The following TCF3 variants were observed in gnomAD, a reference collection of about 807,000 sequenced individuals.
TCF3 encodes transcription factor 3.
TCF3 carries 54 observed loss-of-function variants against 72.3 expected under a neutral mutation model. That is an observed-to-expected ratio of 0.75 (90% CI 0.60 to 0.94). TCF3 has a LOEUF of 0.94. TCF3 is among the 40% of genes least tolerant of loss of function. TCF3 has a pLI of 0.00. For missense variants in TCF3, 1,078 were observed against 934.4 expected, an observed-to-expected ratio of 1.15 and a Z score of -2.00; for synonymous variants, 525 against 412.6, an observed-to-expected ratio of 1.27 and a Z score of -3.30.
rs553590984 is a variant in TCF3 at position 1,613,982 on chromosome 19, C to T, written c.1822+1303G>A. Among the ~76,000 whole-genome samples the T allele has an allele frequency of 1.6e-3, 248 of 152,388 alleles. 1 individual carries two copies. The highest frequency in any genetic ancestry group is 5.7e-3 in the African/African-American group (236 of 41,596). On this transcript the variant is annotated intron_variant, in intron 18 of 18. Coordinates refer to ENST00000262965, the MANE Select transcript of TCF3 (RefSeq NM_003200.5). The stretch of plus-strand genomic sequence containing the variant: ...GGCGAGCGGGCACTGTTGCTGCTGC[C>T]GCAGGGGTGCGGGTCCCGGCCCAGG...
intron 3 of TCF3, among the ~76,000 whole-genome samples, chr19:1,638,771 C>A (rs964466956): frequency 6.6e-6 from 1 of 152,226 alleles, no homozygotes; most frequent in African/African-American, 2.4e-5. Context: ...ACTGGCAGAG[C>A]CGCAAAGCGG....
At chr19:1,648,771 G>A (rs1382570798) in intron 2 of TCF3, among the ~76,000 whole-genome samples, 2 of 151,422 alleles carry the variant, frequency 1.3e-5, no homozygotes, top group East Asian at 1.9e-4. Flanking sequence ...CAGACTGAAA[G>A]TGCCCTCCCC....
chr19:1,619,060 G>C lies in TCF3; in HGVS notation c.1450+51C>G, dbSNP rs778461374. ...TGACCCCCACCACTAGAGTGCCTCA[G>C]TTTCCCCAACTGGAACCAGGAGTCG... is the stretch of plus-strand genomic sequence containing the variant. On this transcript the variant is annotated intron_variant, in intron 16 of 18. Transcript: ENST00000262965. 8.8e-6 allele frequency: 14 copies of C among 1,598,050 alleles called. No individual in the cohort carries two copies. In the South Asian group the frequency reaches 1.5e-4, roughly 18 times the overall value.
Position 1,615,521 on chromosome 19 carries a change from C to A in TCF3, c.1587-1G>T. On this transcript the variant is annotated splice_acceptor_variant, in intron 17 of 18. Transcript: ENST00000262965. LOFTEE classifies it high-confidence loss of function. This position sits in a 1 kb window ranked among gnomAD's most constrained non-coding sequence, Gnocchi z 7.3. ...AAGGTCGTCCTCGTCCTCGTCTGGG[C>A]TATGGGGAGGGCGCCGGGAGGGGGC... 6.2e-7 allele frequency: 1 copy of A among 1,607,480 alleles called. No homozygotes were observed. Among genetic ancestry groups the A allele is most frequent in the Non-Finnish European group, 8.5e-7 (1 of 1,179,800 alleles).
chr19:1,632,719 C>T (rs1447608122), intron 3 of TCF3, among the ~76,000 whole-genome samples: 3 of 152,202 alleles, frequency 2.0e-5, no homozygotes, highest in Non-Finnish European at 1.5e-5. Flanking sequence ...ACTCTCACGC[C>T]GAGCCTCCTC....
intron 16 of TCF3, among the ~76,000 whole-genome samples, chr19:1,618,872 C>A (rs569427150): frequency 1.3e-5 from 2 of 152,194 alleles, no homozygotes; most frequent in African/African-American, 4.8e-5. Context: ...AGGCACACAG[C>A]GTCTGGGAGC....
chr19:1,641,200 GAA>G (rs892080040), intron 3 of TCF3, among the ~76,000 whole-genome samples: 1 of 143,706 alleles, frequency 7.0e-6, no homozygotes, highest in Non-Finnish European at 1.5e-5. Flanking sequence ...GCAATAAAAA[GAA>G]AAAAAAAAGA....
chr19:1,642,219 G>A lies in TCF3; in HGVS notation c.145+4136C>T, dbSNP rs112174851. Among the ~76,000 whole-genome samples the A allele has an allele frequency of 3.4e-5, 5 of 149,004 alleles. No homozygotes were observed. In the South Asian group the frequency reaches 6.4e-4, roughly 19 times the overall value. On this transcript the variant is annotated intron_variant, in intron 3 of 18. Coordinates refer to ENST00000262965, the MANE Select transcript of TCF3 (RefSeq NM_003200.5). ...AGACGCAGACACGCACACACGCGCA[G>A]ACGCACAGACACGCACGCGCAGACG...
In TCF3 at chr19:1,623,441, C is replaced by T. The variant is rs188937256; in HGVS notation, c.549+510G>A. Among the ~76,000 whole-genome samples, 372 of 148,314 alleles carry T rather than the reference C, an allele frequency of 2.5e-3. 3 individuals carry two copies. The Middle Eastern group carries it at 0.035, about 14-fold the overall frequency. On this transcript the variant is annotated intron_variant, in intron 8 of 18. Coordinates refer to ENST00000262965, the MANE Select transcript of TCF3 (RefSeq NM_003200.5). ...CTCTGTTGCTCAGGCTGGAGGGCAGCGGCATGATCTTGGCTCACTGCAACC... is the reference window on the plus strand; with the variant it reads ...CTCTGTTGCTCAGGCTGGAGGGCAGTGGCATGATCTTGGCTCACTGCAACC...
chr19:1,640,587 G>A (rs2065092508), intron 3 of TCF3, among the ~76,000 whole-genome samples: 1 of 152,160 alleles, frequency 6.6e-6, no homozygotes, highest in Non-Finnish European at 1.5e-5. Flanking sequence ...GGGAGGCCGA[G>A]GCGGGCGGAT....
intron 18 of TCF3, among the ~76,000 whole-genome samples, chr19:1,613,353 C>A (rs1346836586): frequency 6.6e-6 from 1 of 152,140 alleles, no homozygotes; most frequent in Non-Finnish European, 1.5e-5. Context: ...TCTGACTGTT[C>A]CCAGACGTTT....
intron 1 of TCF3, chr19:1,650,836 T>A: frequency 4.3e-6 from 1 of 230,718 alleles, no homozygotes; most frequent in Non-Finnish European, 8.6e-6. Flanking sequence ...ACCACGAAAC[T>A]CTTTTACAAG....
At chr19:1,635,936 A>AC (rs1159841400) in intron 3 of TCF3, among the ~76,000 whole-genome samples, 2 of 151,576 alleles carry the variant, frequency 1.3e-5, no homozygotes, top group African/African-American at 2.4e-5. Flanking sequence ...GGTCACTATG[A>AC]CCCCCCAAGC....
At chr19:1,645,192 TCTG>T (rs2065904371) in intron 3 of TCF3, among the ~76,000 whole-genome samples, 1 of 151,814 alleles carries the variant, frequency 6.6e-6, no homozygotes, top group South Asian at 2.1e-4. Flanking sequence ...CCTGGGGGAT[TCTG>T]GAGATAACTG....
intron 3 of TCF3, among the ~76,000 whole-genome samples, chr19:1,645,769 C>G (rs555024616): frequency 2.6e-5 from 4 of 152,166 alleles, no homozygotes; most frequent in Admixed American, 6.5e-5. Flanking sequence ...CGAGGGTGAC[C>G]CGCTCATCCA....
chr19:1,629,319 A>C (rs991728528), intron 5 of TCF3, among the ~76,000 whole-genome samples: 3 of 150,694 alleles, frequency 2.0e-5, no homozygotes, highest in Non-Finnish European at 4.4e-5. Flanking sequence ...CATCAGGTTC[A>C]CCGCACAGGC....
chr19:1,641,279 A>G (rs1713847267), intron 3 of TCF3, among the ~76,000 whole-genome samples: 1 of 152,138 alleles, frequency 6.6e-6, no homozygotes, highest in Non-Finnish European at 1.5e-5. Flanking sequence ...AGCTAATCTC[A>G]GAAGGTTGCA....
rs749903464 is a variant in TCF3, at chr19:1,619,098, C to T, written c.1450+13G>A. On this transcript the variant is annotated intron_variant, in intron 16 of 18. Transcript: ENST00000262965. ...GAACCAGGAGTCGGACAGTCCCAAG[C>T]TCAAGGGCTTACCACTGTAGGAGTC... 8 of 1,599,066 alleles carry T rather than the reference C, an allele frequency of 5.0e-6. No individual in the cohort carries two copies. The highest frequency in any genetic ancestry group is 2.7e-5 in the African/African-American group (2 of 74,920).
Position 1,615,425 on chromosome 19 carries a change from C to T in TCF3, c.1682G>A (p.Arg561Gln), listed in dbSNP as rs1165165570. Residue 561 changes from arginine to glutamine, a missense_variant, in exon 18 of 19, where the codon CGG (arginine) becomes CAG (glutamine). Physicochemically the swap from Arg to Gln is conservative, Grantham distance 43. Coordinates refer to ENST00000262965, the MANE Select transcript of TCF3 (RefSeq NM_003200.5). This position sits in a 1 kb window ranked among gnomAD's most constrained non-coding sequence, Gnocchi z 7.3. ...RVANNARERLRVRDINEAFKE... is the reference protein window; with the variant it reads ...RVANNARERLQVRDINEAFKE... Reference sequence around the variant, plus strand: ...AAAGGCCTCGTTGATGTCACGGACCCGCAGCCGCTCCCGGGCGTTATTGGC... The same window carrying T: ...AAAGGCCTCGTTGATGTCACGGACCTGCAGCCGCTCCCGGGCGTTATTGGC... 3 of 1,613,830 alleles carry T rather than the reference C, an allele frequency of 1.9e-6. No homozygotes were observed. Among genetic ancestry groups the T allele is most frequent in the Admixed American group, 1.7e-5 (1 of 60,028 alleles).
Sources: gnomAD v4.1 joint callset for allele counts (sites outside exome capture counted in the v4.1 genomes callset) on GRCh38, gnomAD v4.1.1 for gene constraint, Gnocchi (gnomAD v3.1) non-coding constraint, MANE v1.5 for transcripts, NCBI Gene and HGNC (gene_info 2026-07-23, HGNC 2026-07-21) for gene names.